ZUP1: variants seen among roughly 807,000 people sequenced by gnomAD.
The protein encoded by ZUP1 is zinc finger containing ubiquitin peptidase 1.
A neutral mutation model predicts 68.1 loss-of-function variants in ZUP1; 55 were observed. The observed-to-expected ratio is 0.81, with a 90% confidence interval of 0.65 to 1.01. The LOEUF is 1.01. Ranked by LOEUF, ZUP1 falls within the 50% of genes least tolerant of loss-of-function variation. The probability of loss-of-function intolerance (pLI) is 0.00; values close to 1 mark genes in which losing one functional copy is unlikely to be tolerated. For synonymous variants in ZUP1, 223 were observed against 221.5 expected (o/e 1.01, Z -0.06); for missense variants, 684 against 674.9 (o/e 1.01, Z -0.15).
In ZUP1 at chr6:116,639,055, G is replaced by A. The variant is rs1583358104; in HGVS notation, c.1690-3176C>T. Reference sequence around the variant, plus strand: ...ATTATATCCTGCACCTGGCTCGGAGGGTCCTACGCCCACGGAGTCTCCCTG... The same window carrying A: ...ATTATATCCTGCACCTGGCTCGGAGAGTCCTACGCCCACGGAGTCTCCCTG... On this transcript the variant is annotated intron_variant, in intron 9 of 9. Transcript: ENST00000368576. Among the ~76,000 whole-genome samples the A allele has an allele frequency of 3.3e-5, 5 of 152,218 alleles. No homozygotes were observed. The South Asian group carries it at 1.0e-3, about 31-fold the overall frequency.
At chr6:116,638,066 CAA>C (rs11398572) in intron 9 of ZUP1, among the ~76,000 whole-genome samples, 17 of 88,776 alleles carry the variant, frequency 1.9e-4, no homozygotes, top group Non-Finnish European at 1.4e-4. Flanking sequence ...AGTCGGTCTC[CAA>C]AAAAAAAAAA....
chr6:116,652,321 T>C, intron 5 of ZUP1, 129 bp from the exon 6 acceptor site: 1 of 712,912 alleles, frequency 1.4e-6, no homozygotes, highest in Non-Finnish European at 2.2e-6. Flanking sequence ...TTCACCTTCT[T>C]CTTGCTATAA....
chr6:116,659,773 A>C (rs1776781766), intron 3 of ZUP1, among the ~76,000 whole-genome samples: 1 of 152,220 alleles, frequency 6.6e-6, no homozygotes, highest in Non-Finnish European at 1.5e-5. Context: ...TCCATTTGTC[A>C]GTGGCTTCTG....
intron 9 of ZUP1, among the ~76,000 whole-genome samples, chr6:116,640,635 T>C (rs1776067062): frequency 1.3e-5 from 2 of 151,726 alleles, no homozygotes; most frequent in Non-Finnish European, 2.9e-5. Context: ...GACAAGCAAA[T>C]GCTGAGAGAT....
At chr6:116,652,827 AAACCT>A (rs1441071838) in intron 5 of ZUP1, among the ~76,000 whole-genome samples, 7 of 152,104 alleles carry the variant, frequency 4.6e-5, no homozygotes, top group Non-Finnish European at 8.8e-5. Context: ...ATAGCCTTAT[AAACCT>A]AATTAGAATA....
intron 9 of ZUP1, among the ~76,000 whole-genome samples, chr6:116,641,771 T>C (rs565604407): frequency 6.6e-6 from 1 of 151,788 alleles, no homozygotes; most frequent in African/African-American, 2.4e-5. Flanking sequence ...AACATCACAA[T>C]TAAAAGAACT....
Position 116,667,019 on chromosome 6 carries a change from A to T in ZUP1, c.174T>A (p.Leu58=). 2 of 1,613,578 alleles carry T rather than the reference A, an allele frequency of 1.2e-6. No homozygotes were observed. Among genetic ancestry groups the T allele is most frequent in the South Asian group, 2.2e-5 (2 of 90,980 alleles). Reference sequence around the variant, plus strand: ...TATTTATCCTCTCAAAGTTTCTTTCAAGTGTATTCTGCTCAAAATGAGCTG... The same window carrying T: ...TATTTATCCTCTCAAAGTTTCTTTCTAGTGTATTCTGCTCAAAATGAGCTG... The part of the protein sequence containing the change: ...IETAHFEQNT[L]ERNFERINTV... The change falls in exon 2 of 10, where the codon CTT becomes CTA. Residue 58 remains leucine, a synonymous_variant. Transcript: ENST00000368576.
At chr6:116,639,516 A>G (rs62424405) in intron 9 of ZUP1, among the ~76,000 whole-genome samples, 7,526 of 152,330 alleles carry the variant, frequency 0.049, 199 homozygotes, top group South Asian at 0.078. Context: ...ATCAGACAGC[A>G]GCATTCGCGG....
intron 2 of ZUP1, among the ~76,000 whole-genome samples, chr6:116,663,814 G>T (rs1392360568): frequency 6.6e-6 from 1 of 151,958 alleles, no homozygotes; most frequent in Non-Finnish European, 1.5e-5. Flanking sequence ...GGGCGTGGTG[G>T]TGCAGGCCTG....
intron 1 of ZUP1, 25 bp from the exon 2 acceptor site, chr6:116,667,232 T>G (rs773949424): frequency 1.2e-5 from 17 of 1,401,398 alleles, no homozygotes; most frequent in Non-Finnish European, 1.4e-5. Flanking sequence ...AACATTAGGT[T>G]TCAAAGATTT....
At position 116,645,836 on chromosome 6, in the gene ZUP1, A is replaced by G; in HGVS notation, c.1567T>C (p.Leu523=). The stretch of plus-strand genomic sequence containing the variant: ...CTAGCCTCTATGTCTTGCTTTAATA[A>G]TTTCTGCATTTCTCGAGAAGGACAT... ...PGCPSREMQK[L]LKQDIEASSL... is the part of the protein sequence containing the mutation. Residue 523 remains leucine, a synonymous_variant, in exon 9 of 10, where the codon TTA becomes CTA. Transcript: ENST00000368576. The G allele has an allele frequency of 6.2e-7, 1 of 1,613,858 alleles. No homozygotes were observed. The highest frequency in any genetic ancestry group is 8.5e-7 in the Non-Finnish European group (1 of 1,179,898).
chr6:116,651,404 G>T (rs960553260), intron 7 of ZUP1, among the ~76,000 whole-genome samples, 168 bp downstream of exon 7: 1 of 152,156 alleles, frequency 6.6e-6, no homozygotes, highest in African/African-American at 2.4e-5. Context: ...CAGAACTTGA[G>T]GGTAGAGAAG....
chr6:116,640,013 G>A lies in ZUP1; in HGVS notation c.1690-4134C>T, dbSNP rs1276651785. On this transcript the variant is annotated intron_variant, in intron 9 of 9. Transcript: ENST00000368576. The stretch of plus-strand genomic sequence containing the variant: ...CTTAAAGGAGCTGATGGAGCTGAAA[G>A]CCAAGGCTCGAGAACTACGTGAAGA... Among the ~76,000 whole-genome samples the A allele has an allele frequency of 3.3e-5, 5 of 152,274 alleles. No homozygotes were observed. The East Asian group carries it at 5.8e-4, about 18-fold the overall frequency.
chr6:116,653,639 ATGT>A (rs1249070912), intron 5 of ZUP1, among the ~76,000 whole-genome samples: 3 of 151,988 alleles, frequency 2.0e-5, no homozygotes, highest in Non-Finnish European at 4.4e-5. Flanking sequence ...TGAGTACTAA[ATGT>A]TGTAGCATGG....
chr6:116,667,768 C>CA (rs1211755843), intron 1 of ZUP1, among the ~76,000 whole-genome samples: 2 of 152,070 alleles, frequency 1.3e-5, no homozygotes, highest in African/African-American at 4.8e-5. Flanking sequence ...AGGTGGAAGC[C>CA]AAAATGCCAA....
At chr6:116,644,421 A>T (rs1776221838) in intron 9 of ZUP1, among the ~76,000 whole-genome samples, 1 of 152,222 alleles carries the variant, frequency 6.6e-6, no homozygotes, top group Non-Finnish European at 1.5e-5. Context: ...TCACAATAGC[A>T]AAGACTTGGA....
At chr6:116,657,653 T>G (rs1776712348) in intron 4 of ZUP1, among the ~76,000 whole-genome samples, 1 of 152,202 alleles carries the variant, frequency 6.6e-6, no homozygotes, top group African/African-American at 2.4e-5. Context: ...TTGTGATATG[T>G]ACATGCACAT....
intron 7 of ZUP1, among the ~76,000 whole-genome samples, chr6:116,648,815 A>C (rs1776393251): frequency 6.6e-6 from 1 of 151,788 alleles, no homozygotes; most frequent in South Asian, 2.1e-4. Flanking sequence ...TGCAGAAAAA[A>C]AAAAATTAGC....
chr6:116,648,709 C>T (rs756069712), intron 7 of ZUP1, among the ~76,000 whole-genome samples: 6 of 152,024 alleles, frequency 3.9e-5, no homozygotes, highest in Non-Finnish European at 8.8e-5. Context: ...CGCCTGTGAT[C>T]CCAGTACTTT....
Sources: gnomAD v4.1 joint callset for allele counts (sites outside exome capture counted in the v4.1 genomes callset) on GRCh38, gnomAD v4.1.1 for gene constraint, MANE v1.5 for transcripts, NCBI Gene and HGNC (gene_info 2026-07-23, HGNC 2026-07-21) for gene names.